SLC14A2: variants seen among roughly 807,000 people sequenced by gnomAD.
SLC14A2 encodes the protein solute carrier family 14 member 2.
In SLC14A2, 91 loss-of-function variants were observed where a neutral mutation model predicts 104.6. The ratio of observed to expected loss-of-function variants is 0.87; its 90% CI spans 0.73 to 1.04. SLC14A2 has a LOEUF of 1.04. Among genes scored for constraint, SLC14A2 ranks in the 50% least tolerant of loss-of-function variants. The probability of loss-of-function intolerance (pLI) is 0.00; values close to 1 mark genes in which losing one functional copy is unlikely to be tolerated. For missense variants in SLC14A2, 1,189 were observed against 1,156.0 expected (o/e 1.03, Z -0.41); for synonymous variants, 476 against 466.4 (o/e 1.02, Z -0.27).
intron 1 of SLC14A2, among the ~76,000 whole-genome samples, chr18:45,230,212 A>G (rs924906691): frequency 2.0e-5 from 3 of 152,014 alleles, no homozygotes; most frequent in Non-Finnish European, 2.9e-5. Context: ...TTACTTTTCT[A>G]TTGCTGACAA....
intron 1 of SLC14A2, among the ~76,000 whole-genome samples, chr18:45,227,355 C>T (rs2084129867): frequency 6.6e-6 from 1 of 152,162 alleles, no homozygotes; most frequent in Admixed American, 6.5e-5. Context: ...TATCTCAGTC[C>T]ATTTGTGCTG....
chr18:45,174,812 T>C, the SLC14A2 span, among the ~76,000 whole-genome samples: 2 of 152,254 alleles, frequency 1.3e-5, no homozygotes, highest in South Asian at 2.1e-4. Context: ...GGATGGATCA[T>C]GCATATGAAC....
At chr18:45,525,386 CTG>C (rs1408381602) in intron 2 of SLC14A2, among the ~76,000 whole-genome samples, 1 of 152,200 alleles carries the variant, frequency 6.6e-6, no homozygotes, top group African/African-American at 2.4e-5. Flanking sequence ...AAGTGAATGA[CTG>C]TAGTGCTGCT....
rs576304099 is a variant in SLC14A2 at position 45,682,888 on chromosome 18, A to G, written c.*369A>G. 1.7e-5 allele frequency: 4 copies of G among 234,402 alleles called. No individual in the cohort carries two copies. In the Admixed American group the frequency reaches 2.0e-4, roughly 12 times the overall value. 14.5% of individuals were successfully genotyped at this position (234,402 alleles called of 1,614,324 possible). On this transcript the variant is annotated 3_prime_UTR_variant, in exon 20 of 20. Transcript: ENST00000255226. ...GGCGGGTGGATCACGAGGTCAGGAG[A>G]TCGAGACCATCCTGGCGAACATGGT...
At chr18:45,436,206 A>G (rs145464705) in intron 1 of SLC14A2, among the ~76,000 whole-genome samples, 1 of 152,332 alleles carries the variant, frequency 6.6e-6, no homozygotes, top group East Asian at 1.9e-4. Flanking sequence ...TACGTTGTTT[A>G]TGTTAAAAAG....
At chr18:45,471,796 A>T (rs549659917) in intron 1 of SLC14A2, among the ~76,000 whole-genome samples, 2 of 151,694 alleles carry the variant, frequency 1.3e-5, no homozygotes, top group Non-Finnish European at 2.9e-5. Flanking sequence ...AGTTGTCTGG[A>T]CATGTCTTTC....
chr18:45,624,643 A>C lies in SLC14A2; in HGVS notation c.-22A>C. ...TCCTTCCGTCTAGTCCATCGATAGA[A>C]GAGTGGCTGTGACCCGAAGGAATGT... On this transcript the variant is annotated 5_prime_UTR_variant, in exon 2 of 20. Transcript: ENST00000255226. The C allele has an allele frequency of 1.2e-6, 2 of 1,603,866 alleles. No individual in the cohort carries two copies. The highest frequency in any genetic ancestry group is 1.3e-5 in the African/African-American group (1 of 74,842).
At chr18:45,520,638 G>T (rs1339177717) in intron 2 of SLC14A2, among the ~76,000 whole-genome samples, 1 of 152,168 alleles carries the variant, frequency 6.6e-6, no homozygotes, top group East Asian at 1.9e-4. Flanking sequence ...ATCCTAAGGA[G>T]GTATGGCCCA....
chr18:45,464,183 C>T (rs2087097729), intron 1 of SLC14A2, among the ~76,000 whole-genome samples: 1 of 152,218 alleles, frequency 6.6e-6, no homozygotes, highest in Non-Finnish European at 1.5e-5. Context: ...AACATTTCCT[C>T]AGGAACCTAA....
chr18:45,189,308 G>C, the SLC14A2 span, among the ~76,000 whole-genome samples: 1 of 152,132 alleles, frequency 6.6e-6, no homozygotes, highest in Non-Finnish European at 1.5e-5. Flanking sequence ...TGTTATTTCA[G>C]TTAAATGGGG....
intron 4 of SLC14A2, among the ~76,000 whole-genome samples, chr18:45,629,984 C>T (rs1301839053): frequency 6.6e-6 from 1 of 152,182 alleles, no homozygotes; most frequent in African/African-American, 2.4e-5. Flanking sequence ...CCCTGGAATC[C>T]TTCCTCCCCC....
chr18:45,337,155 G>A (rs898603793), intron 1 of SLC14A2, among the ~76,000 whole-genome samples: 2 of 152,122 alleles, frequency 1.3e-5, no homozygotes, highest in Admixed American at 6.5e-5. Context: ...TTGGCTATGA[G>A]GAGTACTTGA....
chr18:45,185,428 C>T, the SLC14A2 span, among the ~76,000 whole-genome samples: 3 of 152,232 alleles, frequency 2.0e-5, no homozygotes, highest in Admixed American at 6.5e-5. Flanking sequence ...TGGTTACCTC[C>T]GAGGAGCCTG....
intron 2 of SLC14A2, among the ~76,000 whole-genome samples, chr18:45,596,638 C>T (rs1239531437): frequency 6.6e-6 from 1 of 152,200 alleles, no homozygotes; most frequent in African/African-American, 2.4e-5. Flanking sequence ...AAAGCTGAAG[C>T]TATTGTTCAC....
intron 1 of SLC14A2, among the ~76,000 whole-genome samples, chr18:45,225,768 A>C (rs2084109779): frequency 6.6e-6 from 1 of 152,056 alleles, no homozygotes; most frequent in African/African-American, 2.4e-5. Context: ...ATGGGAGTTC[A>C]CTCATGATTT....
intron 1 of SLC14A2, among the ~76,000 whole-genome samples, chr18:45,473,644 C>T (rs531443215): frequency 3.0e-4 from 46 of 152,118 alleles, no homozygotes; most frequent in Non-Finnish European, 3.5e-4. Flanking sequence ...GTAGCAGTTG[C>T]GAACAGGAGT....
intron 1 of SLC14A2, among the ~76,000 whole-genome samples, chr18:45,241,639 C>CTTTT (rs370878349): frequency 1.7e-5 from 2 of 118,042 alleles, no homozygotes; most frequent in Non-Finnish European, 3.4e-5. Context: ...TTTCTTTTCT[C>CTTTT]TTTTTTTTTT....
At chr18:45,625,616 C>T (rs1484796898) in intron 2 of SLC14A2, 67 bp from the exon 3 acceptor site, 15 of 1,361,742 alleles carry the variant, frequency 1.1e-5, no homozygotes, top group African/African-American at 1.5e-5. Flanking sequence ...CCACCCTCCT[C>T]TATCCCCAAA....
chr18:45,430,991 G>A (rs952905681), intron 1 of SLC14A2, among the ~76,000 whole-genome samples: 6 of 152,146 alleles, frequency 3.9e-5, no homozygotes, highest in Non-Finnish European at 7.4e-5. Flanking sequence ...AGAGGAGAAG[G>A]AAATGTGCAA....
Sources: gnomAD v4.1 joint callset for allele counts (sites outside exome capture counted in the v4.1 genomes callset) on GRCh38, gnomAD v4.1.1 for gene constraint, MANE v1.5 for transcripts, NCBI Gene and HGNC (gene_info 2026-07-23, HGNC 2026-07-21) for gene names.